ZSCAN4: variants seen among roughly 807,000 people sequenced by gnomAD.
The protein encoded by ZSCAN4 is zinc finger and SCAN domain containing 4.
Under a neutral mutation model 18.3 loss-of-function variants are expected in ZSCAN4, and 18 were observed. That is an observed-to-expected ratio of 0.98 (90% CI 0.68 to 1.46). The LOEUF (loss-of-function observed/expected upper bound fraction) is 1.46. Among genes scored for constraint, ZSCAN4 ranks in the 40% most tolerant of loss-of-function variants. The probability of loss-of-function intolerance (pLI) is 0.00; values close to 1 mark genes in which losing one functional copy is unlikely to be tolerated. For missense variants in ZSCAN4, 498 were observed against 511.4 expected, an observed-to-expected ratio of 0.97 and a Z score of 0.25; for synonymous variants, 193 against 180.3, an observed-to-expected ratio of 1.07 and a Z score of -0.57.
the ZSCAN4 span, among the ~76,000 whole-genome samples, chr19:57,655,717 C>T: frequency 1.3e-5 from 2 of 152,014 alleles, no homozygotes; most frequent in Admixed American, 6.6e-5. Flanking sequence ...GTTCTCAACC[C>T]AGCCACCCTC....
At chr19:57,661,810 G>A in the ZSCAN4 span, among the ~76,000 whole-genome samples, 1,144 of 152,150 alleles carry the variant, frequency 7.5e-3, 7 homozygotes, top group Non-Finnish European at 0.011. Context: ...TGCTGGGCGC[G>A]GTGGCTCACG....
At chr19:57,675,057 G>A (rs2122303343) in intron 2 of ZSCAN4, among the ~76,000 whole-genome samples, 1 of 150,484 alleles carries the variant, frequency 6.6e-6, no homozygotes, top group African/African-American at 2.4e-5. Context: ...CGGGTTCAAG[G>A]GATTCTCCTG....
intron 2 of ZSCAN4, among the ~76,000 whole-genome samples, chr19:57,675,281 A>G (rs962734499): frequency 6.6e-6 from 1 of 151,122 alleles, no homozygotes; most frequent in Non-Finnish European, 1.5e-5. Context: ...CTGAGTAGCT[A>G]GGACTACAGG....
At chr19:57,674,537 A>G (rs1384071468) in intron 2 of ZSCAN4, among the ~76,000 whole-genome samples, 3 of 152,134 alleles carry the variant, frequency 2.0e-5, no homozygotes, top group African/African-American at 7.2e-5. Context: ...ATTCCATGGT[A>G]TGTATTTCAC....
the ZSCAN4 span, among the ~76,000 whole-genome samples, chr19:57,660,501 T>C: frequency 3.3e-5 from 5 of 152,334 alleles, no homozygotes; most frequent in South Asian, 6.2e-4. Flanking sequence ...ACTCTGAACA[T>C]TTTTCTACCG....
intron 2 of ZSCAN4, 62 bp from the exon 3 acceptor site, chr19:57,675,979 G>A: frequency 1.5e-6 from 1 of 667,802 alleles, no homozygotes; most frequent in Non-Finnish European, 2.4e-6. Flanking sequence ...TAACTTTTTG[G>A]TTGATTTGTC....
chr19:57,674,875 T>C (rs1277218436), intron 2 of ZSCAN4, among the ~76,000 whole-genome samples: 1 of 152,150 alleles, frequency 6.6e-6, no homozygotes, highest in Admixed American at 6.6e-5. Context: ...ATCCAATGTT[T>C]CATAGAGATG....
upstream of ZSCAN4, chr19:57,665,125 G>T (rs916243515): frequency 2.6e-5 from 4 of 153,106 alleles, no homozygotes; most frequent in African/African-American, 9.6e-5. Flanking sequence ...CAAAGCCGCT[G>T]CTGGCTGGAA....
In ZSCAN4 at chr19:57,678,023, C is replaced by T. The variant is rs530730923; in HGVS notation, c.506C>T (p.Ala169Val). 3 of 1,600,386 alleles carry T rather than the reference C, an allele frequency of 1.9e-6. No individual in the cohort carries two copies. The South Asian group carries it at 3.4e-5, about 18-fold the overall frequency. ...GTGAATGCCCAAACCACAAGAGAAG[C>T]AAACATGGGGACACCCTCCCAGACT... Residue 169 changes from alanine (A) to valine (V), a missense_variant, in exon 4 of 5, where the codon GCA (alanine) becomes GTA (valine). Coordinates refer to ENST00000318203, the Ensembl canonical transcript of ZSCAN4.
exon 5 of ZSCAN4, chr19:57,678,454 A>G: frequency 6.2e-7 from 1 of 1,614,154 alleles, no homozygotes; most frequent in African/African-American, 1.3e-5. Flanking sequence ...TCCTCCCCTG[A>G]GTCTGCCCTT....
intron 1 of ZSCAN4, among the ~76,000 whole-genome samples, chr19:57,669,708 G>GT (rs35934113): frequency 0.52 from 76,098 of 146,670 alleles, 19,747 homozygotes; most frequent in Middle Eastern, 0.59. Context: ...TACAGGCATG[G>GT]TTTTTTTTTT....
At chr19:57,652,495 G>A in the ZSCAN4 span, among the ~76,000 whole-genome samples, 7 of 151,884 alleles carry the variant, frequency 4.6e-5, no homozygotes, top group South Asian at 2.1e-4. Flanking sequence ...CTCCTCTTTC[G>A]GACAAGCCTT....
upstream of ZSCAN4, among the ~76,000 whole-genome samples, chr19:57,665,983 A>G (rs1034719779): frequency 2.0e-5 from 3 of 152,196 alleles, no homozygotes; most frequent in South Asian, 6.2e-4. Context: ...TCTTAGGACA[A>G]TTTTTTAATT....
chr19:57,659,668 G>A, the ZSCAN4 span, among the ~76,000 whole-genome samples: 1 of 152,080 alleles, frequency 6.6e-6, no homozygotes, highest in Admixed American at 6.6e-5. Flanking sequence ...CTACCTTCAA[G>A]TTACCTTTGT....
rs191472640 is a variant in ZSCAN4 at position 57,676,923 on chromosome 19, C to T, written c.396+382C>T. On this transcript the variant is annotated intron_variant, in intron 3 of 4. Transcript: ENST00000318203. ...CCTCCAGAGTAGCTGGGATTACAGGCGTGCTCCACCAAGGCCGGCTAATTT... is the reference window on the plus strand; with the variant it reads ...CCTCCAGAGTAGCTGGGATTACAGGTGTGCTCCACCAAGGCCGGCTAATTT... 6.6e-5 allele frequency among the ~76,000 whole-genome samples: 10 copies of T among 152,256 alleles called. No individual in the cohort carries two copies. In the East Asian group the frequency reaches 9.7e-4, roughly 15 times the overall value.
intron 4 of ZSCAN4, 28 bp downstream of exon 4, chr19:57,678,107 G>A: frequency 6.3e-7 from 1 of 1,590,406 alleles, no homozygotes; most frequent in Non-Finnish European, 8.6e-7. Flanking sequence ...GCACAACTGA[G>A]GAGTGTTCTA....
intron 3 of ZSCAN4, among the ~76,000 whole-genome samples, chr19:57,676,930 C>T (rs1025222473): frequency 6.6e-6 from 1 of 152,150 alleles, no homozygotes; most frequent in Non-Finnish European, 1.5e-5. Context: ...AGGCGTGCTC[C>T]ACCAAGGCCG....
chr19:57,658,109 T>C, the ZSCAN4 span, among the ~76,000 whole-genome samples: 2 of 152,214 alleles, frequency 1.3e-5, no homozygotes, highest in African/African-American at 4.8e-5. Context: ...CAAATGTCTA[T>C]GCACATCTGA....
chr19:57,663,515 G>A, the ZSCAN4 span, among the ~76,000 whole-genome samples: 1 of 47,458 alleles, frequency 2.1e-5, no homozygotes, highest in South Asian at 7.4e-4. Context: ...GTAAAACCAT[G>A]TCTCTAAAAA....
Sources: gnomAD v4.1 joint callset for allele counts (sites outside exome capture counted in the v4.1 genomes callset) on GRCh38, gnomAD v4.1.1 for gene constraint, MANE v1.5 for transcripts, NCBI Gene and HGNC (gene_info 2026-07-23, HGNC 2026-07-21) for gene names.